Variants in SAMD5 observed in about 807,000 individuals in gnomAD.
The protein encoded by SAMD5 is sterile alpha motif domain containing 5.
SAMD5 carries 13 observed loss-of-function variants against 11.3 expected under a neutral mutation model. The ratio of observed to expected loss-of-function variants is 1.15; its 90% CI spans 0.75 to 1.83. The LOEUF (loss-of-function observed/expected upper bound fraction) is 1.83. Ranked by LOEUF, SAMD5 falls within the 40% of genes most tolerant of loss-of-function variation. The pLI is 0.00. For synonymous variants in SAMD5, 129 were observed against 111.3 expected, an observed-to-expected ratio of 1.16 and a Z score of -1.00; for missense variants, 255 against 239.1, an observed-to-expected ratio of 1.07 and a Z score of -0.44.
intron 1 of SAMD5, among the ~76,000 whole-genome samples, chr6:147,575,922 A>G (rs1284298420): frequency 1.3e-5 from 2 of 151,998 alleles, no homozygotes; most frequent in African/African-American, 2.4e-5. Context: ...AACAATATCA[A>G]TTTTTTATTT....
At chr6:147,689,303 G>C (rs539583638) in intron 1 of SAMD5, among the ~76,000 whole-genome samples, 1 of 152,314 alleles carries the variant, frequency 6.6e-6, no homozygotes, top group Non-Finnish European at 1.5e-5. Flanking sequence ...TACCATTACA[G>C]TTATTCTAAA....
chr6:147,798,185 G>T, the SAMD5 span, among the ~76,000 whole-genome samples: 2 of 148,176 alleles, frequency 1.3e-5, no homozygotes, highest in East Asian at 3.9e-4. Context: ...GATCTTTCCT[G>T]CTTTCTCTTG....
intron 1 of SAMD5, among the ~76,000 whole-genome samples, chr6:147,679,184 G>T (rs1790906102): frequency 6.6e-6 from 1 of 152,082 alleles, no homozygotes; most frequent in African/African-American, 2.4e-5. Context: ...GAGTGGAGTG[G>T]CTGGATCGAA....
the SAMD5 span, among the ~76,000 whole-genome samples, chr6:147,939,236 G>T: frequency 1.3e-5 from 2 of 152,136 alleles, no homozygotes; most frequent in African/African-American, 4.8e-5. Context: ...TGTGTTCACT[G>T]GCCCTGAAGG....
chr6:147,881,200 A>C, the SAMD5 span, among the ~76,000 whole-genome samples: 1 of 152,146 alleles, frequency 6.6e-6, no homozygotes, highest in Non-Finnish European at 1.5e-5. Context: ...CAATTATGGC[A>C]AAACTAAGAT....
chr6:147,776,887 T>G, the SAMD5 span, among the ~76,000 whole-genome samples: 6 of 152,200 alleles, frequency 3.9e-5, no homozygotes, highest in Non-Finnish European at 7.3e-5. Flanking sequence ...CAATTGCTAT[T>G]GCTTAAGTAA....
At chr6:147,659,564 T>G (rs1790618411) in intron 1 of SAMD5, among the ~76,000 whole-genome samples, 1 of 152,214 alleles carries the variant, frequency 6.6e-6, no homozygotes, top group Admixed American at 6.5e-5. Flanking sequence ...AACAGATTCT[T>G]AGACGTGATT....
chr6:147,798,876 G>A, the SAMD5 span, among the ~76,000 whole-genome samples: 1 of 152,220 alleles, frequency 6.6e-6, no homozygotes, highest in African/African-American at 2.4e-5. Context: ...TTTTATCAGA[G>A]ACTAGGATTG....
chr6:147,725,335 C>A (rs915349468), intron 1 of SAMD5, among the ~76,000 whole-genome samples: 5 of 150,930 alleles, frequency 3.3e-5, no homozygotes, highest in Admixed American at 6.6e-5. Context: ...TGAATTCATC[C>A]ACAAATCTTG....
chr6:147,710,971 A>G (rs944085098), intron 1 of SAMD5, among the ~76,000 whole-genome samples: 5 of 149,026 alleles, frequency 3.4e-5, no homozygotes, highest in African/African-American at 1.2e-4. Context: ...AAGGAAGGAA[A>G]GAAGGTGGGG....
At chr6:147,915,480 T>C in the SAMD5 span, among the ~76,000 whole-genome samples, 1,152 of 152,314 alleles carry the variant, frequency 7.6e-3, 17 homozygotes, top group African/African-American at 0.026. Flanking sequence ...TTGTGTAACC[T>C]AGGAGTCTAC....
intron 1 of SAMD5, among the ~76,000 whole-genome samples, chr6:147,607,106 TA>T (rs1662763135): frequency 6.6e-6 from 1 of 152,198 alleles, no homozygotes. Flanking sequence ...TGATGAGCCT[TA>T]AAAAAATTCT....
intron 1 of SAMD5, among the ~76,000 whole-genome samples, chr6:147,540,922 T>G (rs1788590899): frequency 6.9e-6 from 1 of 145,138 alleles, no homozygotes; most frequent in African/African-American, 2.6e-5. Flanking sequence ...GCTGTGGGGT[T>G]CAAGCCACGC....
intron 1 of SAMD5, among the ~76,000 whole-genome samples, chr6:147,648,112 T>G (rs1790431841): frequency 1.3e-5 from 2 of 152,180 alleles, no homozygotes; most frequent in Admixed American, 1.3e-4. Flanking sequence ...TCAGTGCATG[T>G]ATTAGTCCTT....
At chr6:147,919,064 C>T in the SAMD5 span, among the ~76,000 whole-genome samples, 1 of 152,272 alleles carries the variant, frequency 6.6e-6, no homozygotes, top group Non-Finnish European at 1.5e-5. Flanking sequence ...ATAAGGAGGA[C>T]AATCCAATCT....
rs1788954730 is a variant in SAMD5 at position 147,561,783 on chromosome 6, G to GT, written c.460-2610dup. On this transcript the variant is annotated intron_variant, in intron 1 of 1. Coordinates refer to ENST00000367474, the MANE Select transcript of SAMD5 (RefSeq NM_001030060.3). ...CGTTCATTTCTGTTCCACTTGAAGA[G>GT]TGAGATCTATCAAGACCAGCCTCTG... Among the ~76,000 whole-genome samples, 5 of 152,320 alleles carry GT rather than the reference G, an allele frequency of 3.3e-5. No homozygotes were observed. In the South Asian group the frequency reaches 8.3e-4, roughly 25 times the overall value.
At chr6:147,928,401 G>A in the SAMD5 span, among the ~76,000 whole-genome samples, 2 of 152,124 alleles carry the variant, frequency 1.3e-5, no homozygotes, top group South Asian at 4.1e-4. Context: ...TTGGCAGGAT[G>A]AATGTCTCCA....
chr6:147,849,120 G>A, the SAMD5 span, among the ~76,000 whole-genome samples: 6 of 148,446 alleles, frequency 4.0e-5, no homozygotes, highest in Non-Finnish European at 5.9e-5. Context: ...AGCCAAAGGT[G>A]TAATAGTTGA....
At chr6:147,907,660 G>T in the SAMD5 span, among the ~76,000 whole-genome samples, 1 of 152,136 alleles carries the variant, frequency 6.6e-6, no homozygotes. Context: ...GACCCCACAG[G>T]GGTGGGAGGA....
Sources: allele counts gnomAD v4.1 joint callset (sites outside exome capture counted in the v4.1 genomes callset), GRCh38; gene constraint gnomAD v4.1.1; transcripts MANE v1.5; gene names NCBI Gene and HGNC (gene_info 2026-07-23, HGNC 2026-07-21).